Variants in NR4A3 observed in about 807,000 individuals in gnomAD.
NR4A3 encodes nuclear receptor subfamily 4 group A member 3, also known as chondrosarcoma, extraskeletal myxoid, fused to EWS.
A neutral mutation model predicts 55.6 loss-of-function variants in NR4A3; 13 were observed. The ratio of observed to expected loss-of-function variants is 0.23; its 90% CI spans 0.15 to 0.37. The LOEUF is 0.37. NR4A3 is among the 10% of genes least tolerant of loss of function. NR4A3 has a pLI of 1.00. For missense variants in NR4A3, 646 were observed against 822.8 expected (o/e 0.79, Z 2.63); for synonymous variants, 342 against 357.9 (o/e 0.96, Z 0.50).
At position 99,832,765 on chromosome 9, in the gene NR4A3, G is replaced by A. The variant is rs1218540049; in HGVS notation, c.1028G>A (p.Arg343Gln). The A allele has an allele frequency of 2.5e-6, 4 of 1,608,650 alleles. No homozygotes were observed. Among genetic ancestry groups the A allele is most frequent in the African/African-American group, 1.3e-5 (1 of 74,806 alleles). ...CCAGTAGACAAGAGACGTCGAAACC[G>A]ATGTCAGTACTGTCGATTTCAGAAG... is the stretch of plus-strand genomic sequence containing the variant. ...NCPVDKRRRN[R>Q]CQYCRFQKCL... Residue 343 changes from arginine to glutamine, a missense_variant, in exon 4 of 8, where the codon CGA becomes CAA. By Grantham distance (43) the Arg-to-Gln change is conservative. Transcript: ENST00000395097.
rs1040752622 is a variant in NR4A3 at position 99,840,660 on chromosome 9, C to A, written c.1255-3989C>A. On this transcript the variant is annotated intron_variant, in intron 5 of 7. Coordinates refer to ENST00000395097, the MANE Select transcript of NR4A3 (RefSeq NM_006981.4). Reference sequence around the variant, plus strand: ...TTCCTGTTCCAGAGACTGAAACTGACTCAGAGAGGTTAAATGCCTTGTCTA... The same window carrying A: ...TTCCTGTTCCAGAGACTGAAACTGAATCAGAGAGGTTAAATGCCTTGTCTA... Among the ~76,000 whole-genome samples the A allele has an allele frequency of 7.2e-5, 11 of 152,272 alleles. No individual in the cohort carries two copies. The South Asian group carries it at 2.3e-3, about 32-fold the overall frequency.
At chr9:99,849,338 G>T (rs1827809264) in intron 7 of NR4A3, among the ~76,000 whole-genome samples, 1 of 151,944 alleles carries the variant, frequency 6.6e-6, no homozygotes, top group African/African-American at 2.4e-5. Context: ...CCTGGTCTTT[G>T]GTCCAGGATG....
chr9:99,838,420 G>A (rs1272646932), intron 5 of NR4A3, among the ~76,000 whole-genome samples: 1 of 152,116 alleles, frequency 6.6e-6, no homozygotes, highest in Non-Finnish European at 1.5e-5. Context: ...AGAACTACAA[G>A]GTAAACAGAA....
At chr9:99,860,577 T>C (rs1827995062) in intron 7 of NR4A3, among the ~76,000 whole-genome samples, 1 of 152,196 alleles carries the variant, frequency 6.6e-6, no homozygotes, top group Non-Finnish European at 1.5e-5. Flanking sequence ...AGAACACCAC[T>C]GCATGCAGGA....
chr9:99,835,634 G>A (rs1827546238), intron 5 of NR4A3, among the ~76,000 whole-genome samples: 1 of 152,154 alleles, frequency 6.6e-6, no homozygotes, highest in African/African-American at 2.4e-5. Context: ...GATAATTTAG[G>A]CCTCAAAAGT....
chr9:99,833,907 T>C, intron 5 of NR4A3: 3 of 1,204,706 alleles, frequency 2.5e-6, no homozygotes, highest in Middle Eastern at 3.5e-4. Flanking sequence ...GATTAGACCA[T>C]TGGTGGAGAG....
chr9:99,833,702 G>T, intron 5 of NR4A3: 1 of 1,528,758 alleles, frequency 6.5e-7, no homozygotes, highest in South Asian at 1.2e-5. Context: ...ACACATTGTT[G>T]CAGGATTCCT....
chr9:99,841,396 G>A (rs1827648391), intron 5 of NR4A3, among the ~76,000 whole-genome samples: 1 of 152,160 alleles, frequency 6.6e-6, no homozygotes, highest in South Asian at 2.1e-4. Context: ...GAACAGAGAA[G>A]CCAGGGCTCT....
At chr9:99,848,874 T>C (rs1273997836) in intron 7 of NR4A3, among the ~76,000 whole-genome samples, 2 of 152,164 alleles carry the variant, frequency 1.3e-5, no homozygotes, top group African/African-American at 4.8e-5. Context: ...CCTCATTCTT[T>C]CTGGTCAGAC....
rs770572329 is a variant in NR4A3 at position 99,822,913 on chromosome 9, AG to A, written c.-177+508del. On this transcript the variant is annotated intron_variant, in intron 1 of 7. Transcript: ENST00000395097. The surrounding 1 kb of genome is among the most constrained non-coding windows in gnomAD (Gnocchi z 4.9). Reference sequence around the variant, plus strand: ...GAGCTGGTTCTCTGGAAGGAAGCTTAGGAGGGAAGGGCCTAGGCAGCGACGG... The same window carrying A: ...GAGCTGGTTCTCTGGAAGGAAGCTTAGAGGGAAGGGCCTAGGCAGCGACGG... Among the ~76,000 whole-genome samples, 4 of 152,192 alleles carry A rather than the reference AG, an allele frequency of 2.6e-5. No individual in the cohort carries two copies. The highest frequency in any genetic ancestry group is 4.8e-5 in the African/African-American group (2 of 41,450).
chr9:99,828,077 C>G lies in NR4A3; in HGVS notation c.35C>G (p.Pro12Arg), dbSNP rs1827341943. The G allele has an allele frequency of 2.5e-6, 4 of 1,614,078 alleles. No individual in the cohort carries two copies. Among genetic ancestry groups the G allele is most frequent in the African/African-American group, 1.3e-5 (1 of 75,006 alleles). Residue 12 changes from proline to arginine, a missense_variant, in exon 3 of 8, where the codon CCT (proline) becomes CGT (arginine). Around this residue, in one of 5 missense-constraint regions of NR4A3, gnomAD observed 426 missense variants for 429.4 expected, o/e 0.99. Transcript: ENST00000395097. This position sits in a 1 kb window ranked among gnomAD's most constrained non-coding sequence, Gnocchi z 7.7. ...PCVQAQYSPS[P>R]PGSSYAAQTY... The stretch of plus-strand genomic sequence containing the variant: ...GTCCAAGCCCAATATAGCCCTTCCC[C>G]TCCAGGTTCCAGTTATGCGGCGCAG...
intron 3 of NR4A3, among the ~76,000 whole-genome samples, chr9:99,831,568 G>A (rs895788406): frequency 6.6e-6 from 1 of 152,194 alleles, no homozygotes; most frequent in Non-Finnish European, 1.5e-5. Context: ...AGCAAATCTA[G>A]ATGTTTGAAC....
Position 99,864,499 on chromosome 9 carries a change from T to G in NR4A3, c.*632T>G. On this transcript the variant is annotated 3_prime_UTR_variant, in exon 8 of 8. Transcript: ENST00000395097. Reference sequence around the variant, plus strand: ...GCAATTTTTTAAAGTGCTGTCTTACTAAGTCTTGTTTATTAACTCTCCTTT... The same window carrying G: ...GCAATTTTTTAAAGTGCTGTCTTACGAAGTCTTGTTTATTAACTCTCCTTT... 1 of 227,882 alleles carries G rather than the reference T, an allele frequency of 4.4e-6. No homozygotes were observed. The highest frequency in any genetic ancestry group is 8.7e-6 in the Non-Finnish European group (1 of 114,444). The allele number at this position is 227,882 out of a possible 1,614,324, so 14.1% of individuals were successfully genotyped here.
intron 7 of NR4A3, among the ~76,000 whole-genome samples, chr9:99,849,814 C>A (rs1471015673): frequency 3.3e-5 from 5 of 152,158 alleles, no homozygotes; most frequent in Non-Finnish European, 7.4e-5. Flanking sequence ...GAGATGATAA[C>A]ACACATCCCT....
intron 7 of NR4A3, among the ~76,000 whole-genome samples, 184 bp from the exon 8 acceptor site, chr9:99,863,436 G>T (rs1587891301): frequency 2.0e-5 from 3 of 152,132 alleles, no homozygotes; most frequent in African/African-American, 7.2e-5. Context: ...TGTTGGGACT[G>T]GGATTCAAAC....
At chr9:99,833,232 T>C in intron 4 of NR4A3, 50 bp from the exon 5 acceptor site, 1 of 1,537,556 alleles carries the variant, frequency 6.5e-7, no homozygotes. Flanking sequence ...TTTATGGTCG[T>C]TCATTCCATA....
chr9:99,856,693 T>A (rs1827933274), intron 7 of NR4A3, among the ~76,000 whole-genome samples: 1 of 152,208 alleles, frequency 6.6e-6, no homozygotes, highest in South Asian at 2.1e-4. Flanking sequence ...CAGTCAAGCA[T>A]CTTATGGGGA....
At position 99,822,836 on chromosome 9, in the gene NR4A3, T is replaced by C. The variant is rs1333412783; in HGVS notation, c.-177+429T>C. ...TAATTTTCCTGCCTTTTAAGTAGGA[T>C]TGAAAATAGGAGCTCTGGTGGGTCC... is the stretch of plus-strand genomic sequence containing the variant. On this transcript the variant is annotated intron_variant, in intron 1 of 7. Coordinates refer to ENST00000395097, the MANE Select transcript of NR4A3 (RefSeq NM_006981.4). The surrounding 1 kb of genome is among the most constrained non-coding windows in gnomAD (Gnocchi z 4.9). Among the ~76,000 whole-genome samples the C allele has an allele frequency of 6.6e-6, 1 of 152,012 alleles. No individual in the cohort carries two copies. The highest frequency in any genetic ancestry group is 1.5e-5 in the Non-Finnish European group (1 of 67,998).
intron 5 of NR4A3, among the ~76,000 whole-genome samples, chr9:99,839,652 T>C (rs771277867): frequency 3.9e-5 from 6 of 152,230 alleles, no homozygotes; most frequent in Non-Finnish European, 7.3e-5. Context: ...AGAGAAACCT[T>C]CCTTAGGCAT....
Sources: allele counts gnomAD v4.1 joint callset (sites outside exome capture counted in the v4.1 genomes callset), GRCh38; gene constraint gnomAD v4.1.1; regional missense constraint gnomAD v4.1.1; non-coding constraint Gnocchi (gnomAD v3.1); transcripts MANE v1.5; gene names NCBI Gene and HGNC (gene_info 2026-07-23, HGNC 2026-07-21).